MARCHF1: variants seen among roughly 807,000 people sequenced by gnomAD.
MARCHF1 encodes the protein E3 ubiquitin-protein ligase MARCHF1.
Under a neutral mutation model 54.2 loss-of-function variants are expected in MARCHF1, and 40 were observed. The observed-to-expected ratio is 0.74, with a 90% CI of 0.57 to 0.96. The LOEUF (loss-of-function observed/expected upper bound fraction) is 0.96. MARCHF1 is among the 40% of genes least tolerant of loss of function. MARCHF1 has a pLI of 0.00. For synonymous variants in MARCHF1, 236 were observed against 236.3 expected (o/e 1.00, Z 0.01); for missense variants, 586 against 656.5 (o/e 0.89, Z 1.17).
chr4:163,900,978 G>A (rs1188148280), intron 3 of MARCHF1, among the ~76,000 whole-genome samples: 1 of 152,212 alleles, frequency 6.6e-6, no homozygotes, highest in East Asian at 1.9e-4. Context: ...GCAGATCCTG[G>A]CCTGTCTACC....
intron 3 of MARCHF1, among the ~76,000 whole-genome samples, chr4:163,927,141 T>C (rs868209697): frequency 6.6e-6 from 1 of 151,748 alleles, no homozygotes; most frequent in Admixed American, 6.6e-5. Flanking sequence ...CTTTCTTTTT[T>C]ACAATGAGGC....
At chr4:164,266,562 G>A (rs1733616424) in intron 1 of MARCHF1, among the ~76,000 whole-genome samples, 1 of 152,120 alleles carries the variant, frequency 6.6e-6, no homozygotes, top group African/African-American at 2.4e-5. Flanking sequence ...TCATGTACCA[G>A]TGGGCCTCAT....
At chr4:164,248,804 T>C (rs975642806) in intron 1 of MARCHF1, among the ~76,000 whole-genome samples, 2 of 152,048 alleles carry the variant, frequency 1.3e-5, no homozygotes, top group Non-Finnish European at 2.9e-5. Context: ...TACATGTATT[T>C]CTTCCTATAA....
In MARCHF1 at chr4:163,528,571, C is replaced by T. The variant is rs1579030203; in HGVS notation, c.*177G>A. The T allele has an allele frequency of 8.2e-6, 5 of 607,250 alleles. No homozygotes were observed. In the East Asian group the frequency reaches 1.4e-4, roughly 17 times the overall value. 37.6% of individuals were successfully genotyped at this position (607,250 alleles called of 1,614,324 possible). On this transcript the variant is annotated 3_prime_UTR_variant, in exon 10 of 10. Transcript: ENST00000514618. The stretch of plus-strand genomic sequence containing the variant: ...CTTTACGCTATTACTTCATGGGCTC[C>T]TGGGCATTTGGTCTGTTTGTTTTTC...
At chr4:163,833,706 C>T (rs143481719) in intron 4 of MARCHF1, among the ~76,000 whole-genome samples, 37 of 152,100 alleles carry the variant, frequency 2.4e-4, no homozygotes, top group Non-Finnish European at 4.3e-4. Flanking sequence ...CTCTGGGATG[C>T]TTTTGTGTGA....
At chr4:164,220,363 T>C (rs1220004822) in intron 1 of MARCHF1, among the ~76,000 whole-genome samples, 1 of 147,472 alleles carries the variant, frequency 6.8e-6, no homozygotes, top group Non-Finnish European at 1.5e-5. Flanking sequence ...CCTATATACA[T>C]ATTCCCATAT....
At chr4:164,360,704 C>T (rs1315998126) in intron 1 of MARCHF1, among the ~76,000 whole-genome samples, 1 of 152,056 alleles carries the variant, frequency 6.6e-6, no homozygotes, top group Non-Finnish European at 1.5e-5. Flanking sequence ...AGAAACACTA[C>T]AGTAAGTGGC....
chr4:163,950,444 T>C (rs1012843961), intron 3 of MARCHF1, among the ~76,000 whole-genome samples: 1 of 152,184 alleles, frequency 6.6e-6, no homozygotes, highest in Non-Finnish European at 1.5e-5. Context: ...AGGCCAGGCA[T>C]CAGGAGCAGG....
intron 4 of MARCHF1, among the ~76,000 whole-genome samples, chr4:163,826,276 T>C (rs1338260745): frequency 6.6e-6 from 1 of 152,068 alleles, no homozygotes; most frequent in Admixed American, 6.6e-5. Context: ...ACTTGCCCAC[T>C]GTAGATCCAA....
At chr4:163,928,412 T>A (rs1488270771) in intron 3 of MARCHF1, among the ~76,000 whole-genome samples, 1 of 151,930 alleles carries the variant, frequency 6.6e-6, no homozygotes, top group Non-Finnish European at 1.5e-5. Flanking sequence ...GAAGAAGAGC[T>A]AGGCGTGGTG....
chr4:163,881,116 T>G (rs990825741), intron 3 of MARCHF1, among the ~76,000 whole-genome samples: 1 of 152,218 alleles, frequency 6.6e-6, no homozygotes, highest in African/African-American at 2.4e-5. Context: ...ATTCATGATC[T>G]CATCACATCC....
At chr4:164,181,661 G>A (rs534695085) in intron 1 of MARCHF1, among the ~76,000 whole-genome samples, 8 of 152,254 alleles carry the variant, frequency 5.3e-5, no homozygotes, top group Admixed American at 1.3e-4. Flanking sequence ...TCGGGAAGGT[G>A]ATTATATTTT....
intron 2 of MARCHF1, among the ~76,000 whole-genome samples, chr4:164,024,761 T>C (rs1221408710): frequency 6.6e-6 from 1 of 151,930 alleles, no homozygotes; most frequent in Non-Finnish European, 1.5e-5. Flanking sequence ...ATGTAAATGG[T>C]CTAAACACCC....
At chr4:164,247,930 G>T (rs1733004006) in intron 1 of MARCHF1, among the ~76,000 whole-genome samples, 2 of 151,122 alleles carry the variant, frequency 1.3e-5, no homozygotes. Flanking sequence ...TTGCTTAAGA[G>T]CTTGGGAATG....
At chr4:164,383,209 G>A (rs1731426662) in intron 1 of MARCHF1, 1 of 152,262 alleles carries the variant, frequency 6.6e-6, no homozygotes, top group Non-Finnish European at 1.5e-5. Flanking sequence ...GACCCTCCTG[G>A]CGTCTTAAGT....
At chr4:164,293,994 C>A (rs1384187331) in intron 1 of MARCHF1, among the ~76,000 whole-genome samples, 1 of 152,148 alleles carries the variant, frequency 6.6e-6, no homozygotes, top group Non-Finnish European at 1.5e-5. Context: ...GCTGCCAGTG[C>A]GGTTAGAATA....
At chr4:163,603,841 G>A (rs2110896394) in intron 7 of MARCHF1, among the ~76,000 whole-genome samples, 1 of 151,984 alleles carries the variant, frequency 6.6e-6, no homozygotes, top group East Asian at 1.9e-4. Context: ...CCTTCTCTGT[G>A]GGAATTGAAT....
At chr4:163,804,297 A>T (rs1459032050) in intron 4 of MARCHF1, among the ~76,000 whole-genome samples, 1 of 152,222 alleles carries the variant, frequency 6.6e-6, no homozygotes, top group Non-Finnish European at 1.5e-5. Flanking sequence ...TTTTTGAGCC[A>T]CAGCCAATTT....
chr4:163,690,835 A>G (rs1205269211), intron 5 of MARCHF1, among the ~76,000 whole-genome samples: 1 of 152,178 alleles, frequency 6.6e-6, no homozygotes, highest in Non-Finnish European at 1.5e-5. Flanking sequence ...AGTGCCAGGC[A>G]TCAATCAAAG....
Sources: allele counts gnomAD v4.1 joint callset (sites outside exome capture counted in the v4.1 genomes callset), GRCh38; gene constraint gnomAD v4.1.1; transcripts MANE v1.5; gene names NCBI Gene and HGNC (gene_info 2026-07-23, HGNC 2026-07-21).